Variants in CD247 observed in about 807,000 individuals in gnomAD.
The protein encoded by CD247 is T-cell surface glycoprotein CD3 zeta chain.
Under a neutral mutation model 30.0 loss-of-function variants are expected in CD247, and 13 were observed. The observed-to-expected ratio is 0.43, with a 90% CI of 0.28 to 0.69. CD247 has a LOEUF of 0.69. Among genes scored for constraint, CD247 ranks in the 30% least tolerant of loss-of-function variants. The pLI is 0.16. For missense variants in CD247, 193 were observed against 212.6 expected (o/e 0.91, Z 0.57); for synonymous variants, 72 against 80.0 (o/e 0.90, Z 0.53).
intron 1 of CD247, among the ~76,000 whole-genome samples, chr1:167,498,489 C>T (rs1243242263): frequency 6.6e-6 from 1 of 152,222 alleles, no homozygotes; most frequent in Non-Finnish European, 1.5e-5. Context: ...GGAGATGCCT[C>T]AGACACTCTA....
At chr1:167,445,809 C>A (rs943638702) in intron 1 of CD247, among the ~76,000 whole-genome samples, 1 of 152,214 alleles carries the variant, frequency 6.6e-6, no homozygotes, top group Non-Finnish European at 1.5e-5. Flanking sequence ...CTTTCCCCTG[C>A]AGTCAACCTC....
At chr1:167,503,636 A>G (rs1043582399) in intron 1 of CD247, among the ~76,000 whole-genome samples, 1 of 152,202 alleles carries the variant, frequency 6.6e-6, no homozygotes, top group Non-Finnish European at 1.5e-5. Context: ...CATCTTGCTG[A>G]ACATAGATTG....
At chr1:167,473,550 A>T (rs1294409513) in intron 1 of CD247, among the ~76,000 whole-genome samples, 5 of 152,294 alleles carry the variant, frequency 3.3e-5, no homozygotes, top group South Asian at 4.1e-4. Context: ...AGAAAAAAAA[A>T]TGGGAAGGAA....
chr1:167,507,093 A>G (rs1655173699), intron 1 of CD247, among the ~76,000 whole-genome samples: 1 of 151,650 alleles, frequency 6.6e-6, no homozygotes, highest in Non-Finnish European at 1.5e-5. Flanking sequence ...TTGTTTTTGT[A>G]TTTTTAGTAG....
intron 6 of CD247, among the ~76,000 whole-genome samples, chr1:167,433,284 C>T (rs1334085463): frequency 6.6e-6 from 1 of 152,156 alleles, no homozygotes; most frequent in Non-Finnish European, 1.5e-5. Context: ...TTTGCTCCAC[C>T]CCACTCAGAT....
chr1:167,487,233 C>G (rs1004972876), intron 1 of CD247, among the ~76,000 whole-genome samples: 1 of 151,578 alleles, frequency 6.6e-6, no homozygotes, highest in Non-Finnish European at 1.5e-5. Context: ...AAAAATTAGC[C>G]AGGCATGGTG....
intron 1 of CD247, among the ~76,000 whole-genome samples, chr1:167,477,059 A>G (rs1478057099): frequency 6.6e-6 from 1 of 152,260 alleles, no homozygotes; most frequent in Non-Finnish European, 1.5e-5. Context: ...GGGATAGCTG[A>G]AAGCTCTCCT....
At chr1:167,516,123 T>C (rs1295054212) in intron 1 of CD247, among the ~76,000 whole-genome samples, 1 of 152,240 alleles carries the variant, frequency 6.6e-6, no homozygotes, top group Non-Finnish European at 1.5e-5. Context: ...CTCACAAGCC[T>C]GGAAGCTTTG....
chr1:167,462,627 T>C (rs1653074038), intron 1 of CD247, among the ~76,000 whole-genome samples: 2 of 152,212 alleles, frequency 1.3e-5, no homozygotes, highest in South Asian at 4.1e-4. Flanking sequence ...GGCCGATCCC[T>C]GCTGGGAGAG....
At chr1:167,486,319 C>T (rs1654205389) in intron 1 of CD247, among the ~76,000 whole-genome samples, 1 of 152,200 alleles carries the variant, frequency 6.6e-6, no homozygotes, top group African/African-American at 2.4e-5. Context: ...GTGCCCTGGC[C>T]TCGGAGGGAG....
intron 1 of CD247, among the ~76,000 whole-genome samples, chr1:167,505,760 A>C (rs1160623853): frequency 6.6e-6 from 1 of 152,202 alleles, no homozygotes; most frequent in Non-Finnish European, 1.5e-5. Context: ...GGGTTTCCTC[A>C]CTGTGGGGAT....
chr1:167,431,043 G>C lies in CD247; in HGVS notation c.*638C>G. Reference sequence around the variant, plus strand: ...AGCACATGGTACAGTTCAATGGTGCGGCACAGAGGCCTGAGGCAGGGAGGC... The same window carrying C: ...AGCACATGGTACAGTTCAATGGTGCCGCACAGAGGCCTGAGGCAGGGAGGC... On this transcript the variant is annotated 3_prime_UTR_variant, in exon 8 of 8. Coordinates refer to ENST00000362089, the MANE Select transcript of CD247 (RefSeq NM_198053.3). 1 of 419,386 alleles carries C rather than the reference G, an allele frequency of 2.4e-6. No individual in the cohort carries two copies. Among genetic ancestry groups the C allele is most frequent in the East Asian group, 3.4e-5 (1 of 29,668 alleles). 26.0% of individuals were successfully genotyped at this position (419,386 alleles called of 1,614,324 possible).
chr1:167,476,794 T>C (rs912665077), intron 1 of CD247, among the ~76,000 whole-genome samples: 5 of 152,188 alleles, frequency 3.3e-5, no homozygotes, highest in Non-Finnish European at 5.9e-5. Flanking sequence ...TGAGACTGTG[T>C]CTCAAAATAA....
At chr1:167,438,769 C>T in intron 3 of CD247, 119 bp from the exon 4 acceptor site, 1 of 789,222 alleles carries the variant, frequency 1.3e-6, no homozygotes, top group Admixed American at 1.8e-5. Flanking sequence ...GGGGCAGGGG[C>T]TGGGGAGGGG....
chr1:167,498,708 A>T (rs1342274361), intron 1 of CD247, among the ~76,000 whole-genome samples: 1 of 152,222 alleles, frequency 6.6e-6, no homozygotes, highest in Non-Finnish European at 1.5e-5. Context: ...CCTGCCCAAG[A>T]TCACGTTGCT....
At chr1:167,478,278 G>A (rs1379502732) in intron 1 of CD247, among the ~76,000 whole-genome samples, 11 of 152,190 alleles carry the variant, frequency 7.2e-5, no homozygotes, top group Admixed American at 2.0e-4. Context: ...CACCACAGCC[G>A]TGCATTTGTT....
chr1:167,486,046 G>C (rs1273274950), intron 1 of CD247, among the ~76,000 whole-genome samples: 2 of 152,190 alleles, frequency 1.3e-5, no homozygotes, highest in East Asian at 3.8e-4. Context: ...TCTGACCCCT[G>C]CAAGGACACA....
At chr1:167,492,330 A>C (rs1386359532) in intron 1 of CD247, among the ~76,000 whole-genome samples, 2 of 152,136 alleles carry the variant, frequency 1.3e-5, no homozygotes, top group Non-Finnish European at 2.9e-5. Flanking sequence ...TGTTTCACCG[A>C]CAGAAAGGCT....
intron 1 of CD247, among the ~76,000 whole-genome samples, chr1:167,501,989 C>A (rs775322141): frequency 2.0e-5 from 3 of 152,212 alleles, no homozygotes; most frequent in African/African-American, 7.2e-5. Flanking sequence ...AGGGCAACCC[C>A]GGTGCTCCCG....
Sources: gnomAD v4.1 joint callset for allele counts (sites outside exome capture counted in the v4.1 genomes callset) on GRCh38, gnomAD v4.1.1 for gene constraint, MANE v1.5 for transcripts, NCBI Gene and HGNC (gene_info 2026-07-23, HGNC 2026-07-21) for gene names.